Variants in ABCG2 observed in about 807,000 individuals in gnomAD.
The protein encoded by ABCG2 is broad substrate specificity ATP-binding cassette transporter ABCG2.
In ABCG2, 80 loss-of-function variants were observed where a neutral mutation model predicts 73.5. The observed-to-expected ratio is 1.09, with a 90% confidence interval of 0.91 to 1.31. The LOEUF (loss-of-function observed/expected upper bound fraction) is 1.31, where lower values mean the gene tolerates loss of function less well. ABCG2 is among the 50% of genes most tolerant of loss of function. The probability of loss-of-function intolerance (pLI) is 0.00; values close to 1 mark genes in which losing one functional copy is unlikely to be tolerated. For synonymous variants in ABCG2, 269 were observed against 282.4 expected, an observed-to-expected ratio of 0.95 and a Z score of 0.48; for missense variants, 796 against 786.2, an observed-to-expected ratio of 1.01 and a Z score of -0.15.
Position 88,092,117 on chromosome 4 carries a change from G to T in ABCG2, c.*117C>A. 1 of 900,314 alleles carries T rather than the reference G, an allele frequency of 1.1e-6. No homozygotes were observed. Among genetic ancestry groups the T allele is most frequent in the Non-Finnish European group, 1.7e-6 (1 of 601,390 alleles). 55.8% of individuals were successfully genotyped at this position (900,314 alleles called of 1,614,324 possible). The stretch of plus-strand genomic sequence containing the variant: ...AATGTATCTCTTTAAAACAATTGCT[G>T]CTGTGCAACAGTGTGATGGCAAGGG... On this transcript the variant is annotated 3_prime_UTR_variant, in exon 16 of 16. Transcript: ENST00000237612.
chr4:88,192,193 AAAAAG>A (rs1230100655), intron 1 of ABCG2, among the ~76,000 whole-genome samples: 2 of 151,990 alleles, frequency 1.3e-5, no homozygotes, highest in Non-Finnish European at 2.9e-5. Context: ...GAAAAAAAAA[AAAAAG>A]AAAGAAATTT....
chr4:88,198,201 C>T (rs985683336), intron 1 of ABCG2, among the ~76,000 whole-genome samples: 13 of 151,894 alleles, frequency 8.6e-5, no homozygotes, highest in South Asian at 2.1e-4. Flanking sequence ...GGCATGGTGG[C>T]GCGTGCCTGT....
At chr4:88,115,450 AT>A (rs1723506097) in intron 7 of ABCG2, among the ~76,000 whole-genome samples, 2 of 149,676 alleles carry the variant, frequency 1.3e-5, no homozygotes, top group Non-Finnish European at 3.0e-5. Flanking sequence ...CGTCCAGCTA[AT>A]TTTTGTATTT....
chr4:88,142,437 T>C (rs1725708823), intron 1 of ABCG2, among the ~76,000 whole-genome samples: 1 of 152,188 alleles, frequency 6.6e-6, no homozygotes, highest in South Asian at 2.1e-4. Flanking sequence ...TTTACAAGTC[T>C]ATTCATTTGG....
chr4:88,103,833 CTGCGTT>C (rs1365932722), intron 10 of ABCG2, among the ~76,000 whole-genome samples: 1 of 152,198 alleles, frequency 6.6e-6, no homozygotes, highest in Non-Finnish European at 1.5e-5. Flanking sequence ...GCTTAGCTTT[CTGCGTT>C]TGGCTTATTT....
At chr4:88,113,054 T>C (rs1723248794) in intron 9 of ABCG2, among the ~76,000 whole-genome samples, 1 of 152,008 alleles carries the variant, frequency 6.6e-6, no homozygotes, top group South Asian at 2.1e-4. Flanking sequence ...AGGGCTGCAG[T>C]GAGCTGAGTT....
chr4:88,176,463 A>C (rs914673930), intron 1 of ABCG2, among the ~76,000 whole-genome samples: 2 of 148,410 alleles, frequency 1.3e-5, no homozygotes, highest in African/African-American at 4.9e-5. Flanking sequence ...ACAGTAATGA[A>C]ACCAAAGAGA....
intron 1 of ABCG2, among the ~76,000 whole-genome samples, chr4:88,170,501 G>T (rs1441765884): frequency 6.6e-6 from 1 of 152,208 alleles, no homozygotes; most frequent in Non-Finnish European, 1.5e-5. Flanking sequence ...TTGTAACTTG[G>T]ATGAGCCCAC....
At position 88,176,727 on chromosome 4, in the gene ABCG2, C is replaced by G. The variant is rs188633373; in HGVS notation, c.-19-36713G>C. 4.2e-5 allele frequency among the ~76,000 whole-genome samples: 6 copies of G among 142,882 alleles called. No individual in the cohort carries two copies. In the East Asian group the frequency reaches 1.3e-3, roughly 31 times the overall value. 93.7% of individuals were successfully genotyped at this position (142,882 alleles called of 152,430 possible). On this transcript the variant is annotated intron_variant, in intron 1 of 15. Coordinates refer to the ABCG2 transcript ENST00000515655. The stretch of plus-strand genomic sequence containing the variant: ...CAGACTGGTCTTGAGCTCCTGGACT[C>G]AAGCAGTCCTCTCGCCTTGGCCTCC...
chr4:88,152,051 A>G (rs1249873606), intron 1 of ABCG2, among the ~76,000 whole-genome samples: 1 of 152,192 alleles, frequency 6.6e-6, no homozygotes, highest in East Asian at 1.9e-4. Flanking sequence ...TGTGAATTCA[A>G]TCAACAGATA....
intron 1 of ABCG2, among the ~76,000 whole-genome samples, chr4:88,186,724 C>T (rs1342647448): frequency 6.6e-6 from 1 of 151,088 alleles, no homozygotes; most frequent in Non-Finnish European, 1.5e-5. Context: ...TCGAGACCAT[C>T]CCGGCTAAAA....
At chr4:88,220,286 C>T (rs1010568662) in intron 1 of ABCG2, among the ~76,000 whole-genome samples, 1 of 152,148 alleles carries the variant, frequency 6.6e-6, no homozygotes, top group Non-Finnish European at 1.5e-5. Context: ...GTATAAACAT[C>T]TGTCTGAGCC....
intron 1 of ABCG2, among the ~76,000 whole-genome samples, chr4:88,214,909 C>T (rs1297068005): frequency 6.6e-6 from 1 of 151,908 alleles, no homozygotes; most frequent in East Asian, 1.9e-4. Context: ...AGGCGAGAGC[C>T]ACAATGTCTG....
At chr4:88,149,028 G>A (rs1726255627) in intron 1 of ABCG2, among the ~76,000 whole-genome samples, 1 of 152,044 alleles carries the variant, frequency 6.6e-6, no homozygotes, top group Non-Finnish European at 1.5e-5. Context: ...AAATCTGCAG[G>A]AATTCTGCTC....
chr4:88,195,483 C>A lies in ABCG2; in HGVS notation c.-20+35511G>T, dbSNP rs530207226. Among the ~76,000 whole-genome samples, 298 of 152,192 alleles carry A rather than the reference C, an allele frequency of 2.0e-3. 1 individual carries two copies. Among genetic ancestry groups the A allele is most frequent in the African/African-American group, 6.8e-3 (284 of 41,512 alleles). On this transcript the variant is annotated intron_variant, in intron 1 of 15. Transcript: ENST00000515655. ...ACGTGGCACCAAAATATGTTAGTAG[C>A]GGCCAATCCACACAGGTCTGCAGCA...
At chr4:88,095,026 CTTG>C (rs2110172204) in intron 14 of ABCG2, among the ~76,000 whole-genome samples, 1 of 152,208 alleles carries the variant, frequency 6.6e-6, no homozygotes, top group Non-Finnish European at 1.5e-5. Context: ...ATCTTTCGTT[CTTG>C]TTTGTTTTCA....
intron 1 of ABCG2, among the ~76,000 whole-genome samples, chr4:88,151,548 C>T (rs1331923224): frequency 6.6e-6 from 1 of 152,096 alleles, no homozygotes; most frequent in African/African-American, 2.4e-5. Flanking sequence ...ACCATCCTGG[C>T]TAACACGGTG....
chr4:88,221,278 A>C (rs1730003050), intron 1 of ABCG2, among the ~76,000 whole-genome samples: 3 of 152,228 alleles, frequency 2.0e-5, no homozygotes, highest in Admixed American at 2.0e-4. Context: ...AAATAAATAC[A>C]TAAATAAAAT....
chr4:88,217,731 T>C (rs994012760), intron 1 of ABCG2, among the ~76,000 whole-genome samples: 3 of 151,762 alleles, frequency 2.0e-5, no homozygotes, highest in Non-Finnish European at 4.4e-5. Context: ...CCCAGCACTC[T>C]GGGAAGGTGA....
Sources: allele counts gnomAD v4.1 joint callset (sites outside exome capture counted in the v4.1 genomes callset), GRCh38; gene constraint gnomAD v4.1.1; transcripts MANE v1.5; gene names NCBI Gene and HGNC (gene_info 2026-07-23, HGNC 2026-07-21).